Variants in AMDHD2 observed in about 807,000 individuals in gnomAD.
AMDHD2 encodes amidohydrolase domain containing 2.
Under a neutral mutation model 41.8 loss-of-function variants are expected in AMDHD2, and 24 were observed. That is an observed-to-expected ratio of 0.57 (90% CI 0.42 to 0.81). AMDHD2 has a LOEUF of 0.81. Among genes scored for constraint, AMDHD2 ranks in the 30% least tolerant of loss-of-function variants. The pLI is 0.00. For missense variants in AMDHD2, 540 were observed against 588.5 expected (o/e 0.92, Z 0.85); for synonymous variants, 332 against 255.5 (o/e 1.30, Z -2.85).
chr16:2,521,584 C>A (rs2065938003), intron 3 of AMDHD2, among the ~76,000 whole-genome samples: 1 of 152,140 alleles, frequency 6.6e-6, no homozygotes, highest in South Asian at 2.1e-4. Flanking sequence ...CCCCACGCTT[C>A]CATTTTCTTT....
In AMDHD2 at chr16:2,530,136, G is replaced by A; in HGVS notation, c.*573G>A. On this transcript the variant is annotated 3_prime_UTR_variant, in exon 11 of 11. Transcript: ENST00000293971. Reference sequence around the variant, plus strand: ...CCAGGGGCTCCGCTCTGACCTCCAGGAGGGAGACTGGGCCCGGGACCCCTG... The same window carrying A: ...CCAGGGGCTCCGCTCTGACCTCCAGAAGGGAGACTGGGCCCGGGACCCCTG... 2.2e-6 allele frequency: 3 copies of A among 1,378,008 alleles called. No individual in the cohort carries two copies. Among genetic ancestry groups the A allele is most frequent in the South Asian group, 1.4e-5 (1 of 69,518 alleles). The allele number at this position is 1,378,008 out of a possible 1,614,324, so 85.4% of individuals were successfully genotyped here. A position where few individuals can be genotyped will look rare whatever the true frequency, so the allele number is the denominator to read the frequency against.
rs577720381 is a variant in AMDHD2 at position 2,529,917 on chromosome 16, T to C, written c.*354T>C. On this transcript the variant is annotated 3_prime_UTR_variant, in exon 11 of 11. Transcript: ENST00000293971. ...CGGAGACCTGCAGACCCCAGGAAAG[T>C]GTCACTATGGGAGGGAGGGGCAGGC... The C allele has an allele frequency of 1.3e-4, 129 of 1,000,582 alleles. No individual in the cohort carries two copies. In the African/African-American group the frequency reaches 2.0e-3, roughly 16 times the overall value. The allele number at this position is 1,000,582 out of a possible 1,614,324, so 62.0% of individuals were successfully genotyped here.
At chr16:2,522,676 CA>C (rs895398130) in intron 3 of AMDHD2, among the ~76,000 whole-genome samples, 27 of 140,266 alleles carry the variant, frequency 1.9e-4, no homozygotes, top group Admixed American at 3.6e-4. Flanking sequence ...GACTCCATCT[CA>C]AAAAAAAAAA....
Position 2,527,853 on chromosome 16 carries a change from G to A in AMDHD2, c.496G>A (p.Asp166Asn), listed in dbSNP as rs148567595. Residue 166 changes from aspartate (D) to asparagine (N), a missense_variant, in exon 5 of 11, where the codon GAT becomes AAT. By Grantham distance (23) the Asp-to-Asn change is conservative. Transcript: ENST00000293971. The surrounding 1 kb of genome is among the most constrained non-coding windows in gnomAD (Gnocchi z 6.1). Reference sequence around the variant, plus strand: ...GGCCCACCTCCGCTCCTTCGAGGCCGATGCCTTCCAGGACTTGCTGGCCAC... The same window carrying A: ...GGCCCACCTCCGCTCCTTCGAGGCCAATGCCTTCCAGGACTTGCTGGCCAC... ...PEAHLRSFEA[D>N]AFQDLLATYG... The A allele has an allele frequency of 1.2e-3, 1,849 of 1,597,228 alleles. 20 individuals are homozygous for A. The highest frequency in any genetic ancestry group is 3.1e-4 in the Non-Finnish European group (371 of 1,178,874).
At position 2,529,504 on chromosome 16, in the gene AMDHD2, G is replaced by A. The variant is rs201356724; in HGVS notation, c.1171G>A (p.Val391Ile). Residue 391 changes from valine to isoleucine, a missense_variant, in exon 11 of 11, where the codon GTC (valine) becomes ATC (isoleucine). Transcript: ENST00000293971. The stretch of plus-strand genomic sequence containing the variant: ...CGTGGTGCTCGACGACTCCCTTCAC[G>A]TCCAGGCCACCTACATCTCGGGTGA... ...DFVVLDDSLH[V>I]QATYISGELV... 2.7e-5 allele frequency: 43 copies of A among 1,611,694 alleles called. No individual in the cohort carries two copies. Among genetic ancestry groups the A allele is most frequent in the Middle Eastern group, 1.7e-4 (1 of 6,060 alleles).
In AMDHD2 at chr16:2,529,616, G is replaced by C. The variant is rs1036471271; in HGVS notation, c.*53G>C. The C allele has an allele frequency of 5.0e-6, 8 of 1,598,884 alleles. No individual in the cohort carries two copies. Among genetic ancestry groups the C allele is most frequent in the Non-Finnish European group, 6.8e-6 (8 of 1,178,648 alleles). On this transcript the variant is annotated 3_prime_UTR_variant, in exon 11 of 11. Transcript: ENST00000293971. ...GCCGCAGCGGGATGCCATCAGGGCC[G>C]GGTGGTTGGGGAGCTGGTCTCCAGG... is the stretch of plus-strand genomic sequence containing the variant.
chr16:2,527,811 C>T lies in AMDHD2; in HGVS notation c.454C>T (p.Arg152Trp), dbSNP rs776424465. The T allele has an allele frequency of 2.5e-6, 4 of 1,587,952 alleles. No individual in the cohort carries two copies. The highest frequency in any genetic ancestry group is 1.3e-5 in the African/African-American group (1 of 74,738). The change falls in exon 5 of 11, where the codon CGG (arginine) becomes TGG (tryptophan). Residue 152 changes from arginine to tryptophan, a missense_variant. Transcript: ENST00000293971. This position sits in a 1 kb window ranked among gnomAD's most constrained non-coding sequence, Gnocchi z 6.1. ...LEGPFISREK[R>W]GAHPEAHLRS... ...GGGCCCCTTCATCAGCCGGGAGAAG[C>T]GGGGCGCGCACCCCGAGGCCCACCT...
At position 2,530,593 on chromosome 16, in the gene AMDHD2, T is replaced by TGG; in HGVS notation, c.*1032_*1033dup. 6.2e-7 allele frequency: 1 copy of TGG among 1,614,170 alleles called. No individual in the cohort carries two copies. The highest frequency in any genetic ancestry group is 8.5e-7 in the Non-Finnish European group (1 of 1,180,020). ...TCCCCCTTGCTTACAGGTGCTGTCC[T>TGG]GGGCACAGGAGGTACGCGCCTGGCT... is the stretch of plus-strand genomic sequence containing the variant. On this transcript the variant is annotated 3_prime_UTR_variant, in exon 11 of 11. Transcript: ENST00000293971.
Position 2,528,128 on chromosome 16 carries a change from C to T in AMDHD2, c.697C>T (p.Leu233Phe), listed in dbSNP as rs1197016881. Residue 233 changes from leucine to phenylalanine, a missense_variant, in exon 6 of 11, where the codon CTC becomes TTC. Coordinates refer to ENST00000293971, the MANE Select transcript of AMDHD2 (RefSeq NM_001330449.2). ...VWSGATFITHLFNAMLPFHHR... is the reference protein window; with the variant it reads ...VWSGATFITHFFNAMLPFHHR... The stretch of plus-strand genomic sequence containing the variant: ...GAGCGGAGCCACCTTCATCACCCAC[C>T]TCTTCAACGCCATGCTGCCTGTGAG... 3.1e-6 allele frequency: 5 copies of T among 1,613,148 alleles called. No individual in the cohort carries two copies. The highest frequency in any genetic ancestry group is 1.7e-5 in the Admixed American group (1 of 60,018).
In AMDHD2 at chr16:2,528,322, A is replaced by C; in HGVS notation, c.804A>C (p.Ala268=). ...AGRCIFYGMI[A]DGTHTNPAAL... Reference sequence around the variant, plus strand: ...GCTGCATCTTCTATGGGATGATTGCAGATGGCACGCACACCAACCCCGCCG... The same window carrying C: ...GCTGCATCTTCTATGGGATGATTGCCGATGGCACGCACACCAACCCCGCCG... The change falls in exon 7 of 11, where the codon GCA becomes GCC. Residue 268 remains alanine, a synonymous_variant. Transcript: ENST00000293971. 1 of 1,612,792 alleles carries C rather than the reference A, an allele frequency of 6.2e-7. No homozygotes were observed.
chr16:2,530,782 A>G lies in AMDHD2; in HGVS notation c.*1219A>G. On this transcript the variant is annotated 3_prime_UTR_variant, in exon 11 of 11. Coordinates refer to ENST00000293971, the MANE Select transcript of AMDHD2 (RefSeq NM_001330449.2). ...TGAGGGAGGGCCTGGGGCAGGGCAC[A>G]AGGGGTTGATCTCAGCCCACAAGCC... The G allele has an allele frequency of 3.1e-6, 5 of 1,613,726 alleles. No homozygotes were observed. Among genetic ancestry groups the G allele is most frequent in the South Asian group, 2.2e-5 (2 of 91,084 alleles).
At chr16:2,529,201 C>T (rs1461159442) in intron 10 of AMDHD2, 106 bp downstream of exon 10, 4 of 1,200,702 alleles carry the variant, frequency 3.3e-6, no homozygotes, top group South Asian at 3.2e-5. Flanking sequence ...CTCCCTAGCT[C>T]CCTCCTCTCA....
rs140099924 is a variant in AMDHD2, at chr16:2,523,282, C to T, written c.360+2159C>T. Among the ~76,000 whole-genome samples, 668 of 152,290 alleles carry T rather than the reference C, an allele frequency of 4.4e-3. 12 individuals carry two copies. The highest frequency in any genetic ancestry group is 0.016 in the African/African-American group (646 of 41,550). The stretch of plus-strand genomic sequence containing the variant: ...TCTGTCCAGAGCCCCCGCCGTTTTC[C>T]CCTCCAGCACAGGATTCATTTCAGG... On this transcript the variant is annotated intron_variant, in intron 3 of 10. Coordinates refer to ENST00000293971, the MANE Select transcript of AMDHD2 (RefSeq NM_001330449.2).
chr16:2,520,926 G>A, intron 2 of AMDHD2, 21 bp downstream of exon 2: 1 of 1,594,492 alleles, frequency 6.3e-7, no homozygotes, highest in Non-Finnish European at 8.6e-7. Context: ...GGGCCGGCAG[G>A]GGAACCCAGG....
Position 2,528,317 on chromosome 16 carries a change from ATT to A in AMDHD2, c.800_801del (p.Ile267SerfsTer104). 1 of 1,612,744 alleles carries A rather than the reference ATT, an allele frequency of 6.2e-7. No individual in the cohort carries two copies. The highest frequency in any genetic ancestry group is 8.5e-7 in the Non-Finnish European group (1 of 1,179,922). ...PAGRCIFYGM[I>X]ADGTHTNPAA... ...AGGCCGCTGCATCTTCTATGGGATG[ATT>A]GCAGATGGCACGCACACCAACCCCG... On this transcript the variant is annotated frameshift_variant, in exon 7 of 11. Transcript: ENST00000293971. LOFTEE classifies it high-confidence loss of function.
intron 3 of AMDHD2, 33 bp downstream of exon 3, chr16:2,521,156 G>A (rs375851051): frequency 8.5e-5 from 129 of 1,519,696 alleles, no homozygotes; most frequent in Middle Eastern, 3.5e-4. Context: ...AGGTGGAGGG[G>A]GCTCCCGGAG....
At chr16:2,526,515 A>G (rs2066005659) in intron 3 of AMDHD2, among the ~76,000 whole-genome samples, 1 of 151,968 alleles carries the variant, frequency 6.6e-6, no homozygotes, top group African/African-American at 2.4e-5. Flanking sequence ...TGTGGGGGTC[A>G]CTTCCCCCAC....
In AMDHD2 at chr16:2,528,159, T is replaced by C. The variant is rs763406779; in HGVS notation, c.717+11T>C. The C allele has an allele frequency of 1.9e-6, 3 of 1,612,762 alleles. No homozygotes were observed. Among genetic ancestry groups the C allele is most frequent in the Non-Finnish European group, 2.5e-6 (3 of 1,179,844 alleles). ...AACGCCATGCTGCCTGTGAGTGCTA[T>C]GGGGCCCCAGGGGCGGGGCTGGGGT... On this transcript the variant is annotated intron_variant, in intron 6 of 10. Transcript: ENST00000293971.
At chr16:2,524,314 G>A (rs1441216252) in intron 3 of AMDHD2, among the ~76,000 whole-genome samples, 5 of 152,210 alleles carry the variant, frequency 3.3e-5, no homozygotes, top group African/African-American at 1.2e-4. Flanking sequence ...CCTTTGCTAC[G>A]GTACTTGGAG....
Sources: gnomAD v4.1 joint callset for allele counts (sites outside exome capture counted in the v4.1 genomes callset) on GRCh38, gnomAD v4.1.1 for gene constraint, Gnocchi (gnomAD v3.1) non-coding constraint, MANE v1.5 for transcripts, NCBI Gene and HGNC (gene_info 2026-07-23, HGNC 2026-07-21) for gene names.